Variants in EEA1 observed in about 807,000 individuals in gnomAD.
EEA1 encodes the protein early endosome antigen 1.
In EEA1, 111 loss-of-function variants were observed where a neutral mutation model predicts 209.2. That is an observed-to-expected ratio of 0.53 (90% CI 0.45 to 0.62). The LOEUF is 0.62. EEA1 is among the 20% of genes least tolerant of loss of function. EEA1 has a pLI of 0.00. For synonymous variants in EEA1, 536 were observed against 540.6 expected, an observed-to-expected ratio of 0.99 and a Z score of 0.12; for missense variants, 1,343 against 1,530.8, an observed-to-expected ratio of 0.88 and a Z score of 2.05.
chr12:92,826,186 C>T lies in EEA1; in HGVS notation c.1504G>A (p.Ala502Thr), dbSNP rs1461264783. The change falls in exon 13 of 29, where the codon GCA (alanine) becomes ACA (threonine). Residue 502 changes from alanine (A) to threonine (T), a missense_variant. Ala to Thr is a moderately conservative substitution (Grantham distance 58). Coordinates refer to ENST00000322349, the MANE Select transcript of EEA1 (RefSeq NM_003566.4). ...EQQALQQSTT[A>T]KLREAQNDLE... is the part of the protein sequence containing the mutation. ...TTTACCTGAGCTTCTCGAAGTTTTG[C>T]CGTGGTGCTTTGCTGAAGAGCCTGT... 1 of 1,612,930 alleles carries T rather than the reference C, an allele frequency of 6.2e-7. No individual in the cohort carries two copies. Among genetic ancestry groups the T allele is most frequent in the Non-Finnish European group, 8.5e-7 (1 of 1,179,364 alleles).
At chr12:92,779,621 G>A (rs899608727) in intron 24 of EEA1, among the ~76,000 whole-genome samples, 4 of 151,990 alleles carry the variant, frequency 2.6e-5, no homozygotes, top group Non-Finnish European at 4.4e-5. Flanking sequence ...ACTGAGTTAC[G>A]TTCTGGGGAT....
At chr12:92,793,215 C>A (rs865905118) in intron 21 of EEA1, among the ~76,000 whole-genome samples, 1 of 152,022 alleles carries the variant, frequency 6.6e-6, no homozygotes, top group Admixed American at 6.6e-5. Context: ...CTTTAAAAAC[C>A]GGCACAAGAC....
intron 18 of EEA1, among the ~76,000 whole-genome samples, chr12:92,806,695 C>A (rs1875222612): frequency 6.6e-6 from 1 of 152,160 alleles, no homozygotes; most frequent in African/African-American, 2.4e-5. Context: ...GACCAATACC[C>A]CTCATAAATA....
chr12:92,811,281 T>C lies in EEA1; in HGVS notation c.2197A>G (p.Lys733Glu), dbSNP rs1875484750. Residue 733 changes from lysine to glutamate, a missense_variant and splice_region_variant, in exon 17 of 29, where the codon AAG becomes GAG. Physicochemically the swap from Lys to Glu is moderately conservative, Grantham distance 56 (BLOSUM62 1). Transcript: ENST00000322349. The stretch of plus-strand genomic sequence containing the variant: ...AATTCAACTTCTTTTATACAAACCT[T>C]AATTTGACCTTCTAGCTCTTCGGTT... ...QKTEELEGQI[K>E]KLEADSLEVK... 1 of 1,539,308 alleles carries C rather than the reference T, an allele frequency of 6.5e-7. No homozygotes were observed. Among genetic ancestry groups the C allele is most frequent in the Non-Finnish European group, 8.7e-7 (1 of 1,146,720 alleles).
At chr12:92,827,001 C>T (rs187065800) in intron 12 of EEA1, among the ~76,000 whole-genome samples, 5 of 152,182 alleles carry the variant, frequency 3.3e-5, no homozygotes, top group African/African-American at 1.2e-4. Context: ...TCTACCACAT[C>T]TAAGATTTTA....
intron 1 of EEA1, among the ~76,000 whole-genome samples, chr12:92,924,000 A>G (rs1881114930): frequency 6.6e-6 from 1 of 152,126 alleles, no homozygotes; most frequent in Admixed American, 6.6e-5. Context: ...AATCCCAGCT[A>G]TTCCTGAGGC....
chr12:92,800,478 C>T (rs1466084008), intron 20 of EEA1, among the ~76,000 whole-genome samples: 1 of 152,130 alleles, frequency 6.6e-6, no homozygotes, highest in African/African-American at 2.4e-5. Context: ...TTGACCATAT[C>T]CAAAGTTACT....
At position 92,922,959 on chromosome 12, in the gene EEA1, A is replaced by AAAAATAAAATAAAATAAAATAAAAT. The variant is rs77973737; in HGVS notation, c.24+6059_24+6083dup. ...GCCAACAAGAGCAAAACTCCACCTC[A>AAAAATAAAATAAAATAAAATAAAAT]AAAATAAAATAAAATAAAATAAAAT... is the stretch of plus-strand genomic sequence containing the variant. On this transcript the variant is annotated intron_variant, in intron 1 of 28. Coordinates refer to ENST00000322349, the MANE Select transcript of EEA1 (RefSeq NM_003566.4). Among the ~76,000 whole-genome samples the AAAAATAAAATAAAATAAAATAAAAT allele has an allele frequency of 6.5e-3, 942 of 145,552 alleles. 10 individuals carry two copies. Among genetic ancestry groups the AAAAATAAAATAAAATAAAATAAAAT allele is most frequent in the African/African-American group, 0.023 (905 of 39,018 alleles).
At chr12:92,813,185 T>C (rs769434188) in intron 15 of EEA1, 92 bp from the exon 16 acceptor site, 1 of 744,912 alleles carries the variant, frequency 1.3e-6, no homozygotes, top group Non-Finnish European at 2.0e-6. Context: ...AAACAAACTA[T>C]TTAAAAATTA....
chr12:92,891,772 T>C (rs776303713), intron 1 of EEA1, 51 bp from the exon 2 acceptor site: 2 of 1,294,916 alleles, frequency 1.5e-6, no homozygotes, highest in Non-Finnish European at 2.2e-6. Flanking sequence ...ACATTAACAA[T>C]ATATTCATCG....
chr12:92,836,580 C>T (rs755784732), intron 10 of EEA1, among the ~76,000 whole-genome samples: 2 of 152,124 alleles, frequency 1.3e-5, no homozygotes, highest in African/African-American at 2.4e-5. Flanking sequence ...CTTTGTAGCT[C>T]GCCAACGTCT....
At chr12:92,822,886 T>C (rs905701880) in intron 13 of EEA1, among the ~76,000 whole-genome samples, 1 of 152,152 alleles carries the variant, frequency 6.6e-6, no homozygotes, top group African/African-American at 2.4e-5. Context: ...CCCTATGAGA[T>C]GGCCATTTGT....
intron 3 of EEA1, chr12:92,859,233 G>A: frequency 6.2e-7 from 1 of 1,612,534 alleles, no homozygotes; most frequent in Non-Finnish European, 8.5e-7. Context: ...ACTTTGGTAG[G>A]GACAGCTTCC....
Position 92,772,216 on chromosome 12 carries a change from G to A in EEA1, c.*3795C>T, listed in dbSNP as rs1460879962. On this transcript the variant is annotated 3_prime_UTR_variant, in exon 29 of 29. Transcript: ENST00000322349. ...TAAGTATCTTTAAATGGTCATCTGG[G>A]TATTAAATGCAGACACACAATGAAA... 4 of 151,606 alleles carry A rather than the reference G, an allele frequency of 2.6e-5. No individual in the cohort carries two copies. Among genetic ancestry groups the A allele is most frequent in the Non-Finnish European group, 5.9e-5 (4 of 67,786 alleles). The allele number at this position is 151,606 out of a possible 1,614,324, so 9.4% of individuals were successfully genotyped here.
intron 3 of EEA1, among the ~76,000 whole-genome samples, chr12:92,860,806 T>C (rs1033182659): frequency 1.3e-5 from 2 of 152,066 alleles, no homozygotes; most frequent in African/African-American, 2.4e-5. Flanking sequence ...GATCTATTTT[T>C]GGAGGTTCAT....
At chr12:92,792,094 T>G (rs1412681696) in intron 21 of EEA1, among the ~76,000 whole-genome samples, 1 of 152,140 alleles carries the variant, frequency 6.6e-6, no homozygotes, top group Non-Finnish European at 1.5e-5. Context: ...AGACACAACA[T>G]ACCAGAATCT....
chr12:92,907,901 G>A (rs1264894687), intron 1 of EEA1, among the ~76,000 whole-genome samples: 6 of 152,208 alleles, frequency 3.9e-5, no homozygotes, highest in East Asian at 1.9e-4. Context: ...CCCAGGAGGC[G>A]GAAGTTGCAG....
chr12:92,809,551 C>T (rs771845964), intron 17 of EEA1, among the ~76,000 whole-genome samples: 5 of 136,504 alleles, frequency 3.7e-5, no homozygotes, highest in Admixed American at 1.4e-4. Flanking sequence ...AAAAATTAGC[C>T]AGGCGTGGTG....
At chr12:92,777,271 CAT>C (rs1873697698) in intron 27 of EEA1, among the ~76,000 whole-genome samples, 1 of 151,860 alleles carries the variant, frequency 6.6e-6, no homozygotes, top group Non-Finnish European at 1.5e-5. Flanking sequence ...CATACTGACT[CAT>C]ATATTCTTTG....
Sources: gnomAD v4.1 joint callset for allele counts (sites outside exome capture counted in the v4.1 genomes callset) on GRCh38, gnomAD v4.1.1 for gene constraint, MANE v1.5 for transcripts, NCBI Gene and HGNC (gene_info 2026-07-23, HGNC 2026-07-21) for gene names.